Variants in PKD1L3 observed in about 807,000 individuals in gnomAD.
The protein encoded by PKD1L3 is polycystin-1-like protein 3.
PKD1L3 carries 239 observed loss-of-function variants against 184.1 expected under a neutral mutation model. The ratio of observed to expected loss-of-function variants is 1.30; its 90% CI spans 1.17 to 1.45. The LOEUF is 1.45. PKD1L3 is among the 40% of genes most tolerant of loss of function. The pLI is 0.00. For missense variants in PKD1L3, 2,660 were observed against 2,067.2 expected (o/e 1.29, Z -5.56); for synonymous variants, 996 against 778.8 (o/e 1.28, Z -4.64).
rs897154715 is a variant in PKD1L3, at chr16:71,983,948, C to A, written c.966+88G>T. 4 of 1,489,488 alleles carry A rather than the reference C, an allele frequency of 2.7e-6. No homozygotes were observed. In the Admixed American group the frequency reaches 8.3e-5, roughly 31 times the overall value. The allele number at this position is 1,489,488 out of a possible 1,614,324, so 92.3% of individuals were successfully genotyped here. A position where few individuals can be genotyped will look rare whatever the true frequency, so the allele number is the denominator to read the frequency against. ...AAAGTGCTGGGATTACAGGCGTGAGCCACCGCACCCAGCCTCAGATTCTCT... is the reference window on the plus strand; with the variant it reads ...AAAGTGCTGGGATTACAGGCGTGAGACACCGCACCCAGCCTCAGATTCTCT... On this transcript the variant is annotated intron_variant, in intron 6 of 29. Transcript: ENST00000620267.
rs2039172216 is a variant in PKD1L3 at position 71,959,146 on chromosome 16, C to G, written c.2612+4059G>C. ...AGAAAACTAGGCTGGGCACGGTGGCCCTCACCTGTAATCTCAGCACTTTGG... is the reference window on the plus strand; with the variant it reads ...AGAAAACTAGGCTGGGCACGGTGGCGCTCACCTGTAATCTCAGCACTTTGG... On this transcript the variant is annotated intron_variant, in intron 16 of 29. Transcript: ENST00000620267. Among the ~76,000 whole-genome samples the G allele has an allele frequency of 6.7e-5, 10 of 149,918 alleles. No homozygotes were observed. The Admixed American group carries it at 6.7e-4, about 10-fold the overall frequency.
chr16:71,999,795 A>G lies in PKD1L3; in HGVS notation c.184T>C (p.Trp62Arg), dbSNP rs1296622911. The G allele has an allele frequency of 7.7e-6, 12 of 1,551,610 alleles. No individual in the cohort carries two copies. The highest frequency in any genetic ancestry group is 1.0e-5 in the Non-Finnish European group (12 of 1,146,998). ...ATGAGATCTTGAACTTCCTTGTTCC[A>G]AATATGAGCTAGGAATCCTCTCTGC... ...HVQRGFLAHI[W>R]NKEVQDLIRD... is the part of the protein sequence containing the mutation. The change falls in exon 1 of 30, where the codon TGG (tryptophan) becomes CGG (arginine). Residue 62 changes from tryptophan (W) to arginine (R), a missense_variant. By Grantham distance (101) the Trp-to-Arg change is moderately radical (BLOSUM62 -3). Coordinates refer to ENST00000620267, the MANE Select transcript of PKD1L3 (RefSeq NM_181536.2).
At chr16:71,965,428 G>A (rs532096151) in intron 15 of PKD1L3, among the ~76,000 whole-genome samples, 1 of 152,022 alleles carries the variant, frequency 6.6e-6, no homozygotes, top group Admixed American at 6.6e-5. Context: ...CATGGTCAGT[G>A]TATGTTTAAC....
chr16:71,938,800 C>G (rs2038266303), intron 24 of PKD1L3, among the ~76,000 whole-genome samples: 1 of 152,240 alleles, frequency 6.6e-6, no homozygotes, highest in Non-Finnish European at 1.5e-5. Context: ...TTCCTGAAAA[C>G]TGTCTTGTCA....
At chr16:71,984,465 G>A (rs1419435604) in intron 5 of PKD1L3, among the ~76,000 whole-genome samples, 1 of 152,220 alleles carries the variant, frequency 6.6e-6, no homozygotes, top group Non-Finnish European at 1.5e-5. Flanking sequence ...CCATGAAGAT[G>A]AGGGAAACTT....
At chr16:71,990,763 G>T (rs527748915) in intron 3 of PKD1L3, among the ~76,000 whole-genome samples, 1 of 150,918 alleles carries the variant, frequency 6.6e-6, no homozygotes, top group South Asian at 2.1e-4. Context: ...ATAAAGGTAA[G>T]GAAGGAAAAG....
chr16:71,994,854 G>A lies in PKD1L3; in HGVS notation c.419-1522C>T, dbSNP rs375501811. Among the ~76,000 whole-genome samples, 615 of 152,136 alleles carry A rather than the reference G, an allele frequency of 4.0e-3. 2 individuals carry two copies. Among genetic ancestry groups the A allele is most frequent in the Middle Eastern group, 0.01 (3 of 294 alleles). On this transcript the variant is annotated intron_variant, in intron 2 of 29. Coordinates refer to ENST00000620267, the MANE Select transcript of PKD1L3 (RefSeq NM_181536.2). Reference sequence around the variant, plus strand: ...GTCTCTACTAAAAATACAAAAATTAGCCGAGTGCCTATAATCCCAGCTACT... The same window carrying A: ...GTCTCTACTAAAAATACAAAAATTAACCGAGTGCCTATAATCCCAGCTACT...
intron 24 of PKD1L3, among the ~76,000 whole-genome samples, chr16:71,937,636 G>A (rs2038225852): frequency 6.6e-6 from 1 of 152,136 alleles, no homozygotes; most frequent in South Asian, 2.1e-4. Context: ...AAAGTCAGTA[G>A]TGGGAAAGGA....
Position 71,953,103 on chromosome 16 carries a change from A to T in PKD1L3, c.2810-10T>A. 2 of 1,450,342 alleles carry T rather than the reference A, an allele frequency of 1.4e-6. No individual in the cohort carries two copies. Among genetic ancestry groups the T allele is most frequent in the Non-Finnish European group, 1.8e-6 (2 of 1,099,672 alleles). The allele number at this position is 1,450,342 out of a possible 1,614,324, so 89.8% of individuals were successfully genotyped here. A position where few individuals can be genotyped will look rare whatever the true frequency, so the allele number is the denominator to read the frequency against. ...ACAGCAAATGGACGCACTGAAAGAA[A>T]AGCATGACATCAACTTTCATCTTCA... On this transcript the variant is annotated splice_polypyrimidine_tract_variant and intron_variant, in intron 17 of 29. Coordinates refer to ENST00000620267, the MANE Select transcript of PKD1L3 (RefSeq NM_181536.2).
chr16:71,983,901 G>GAT, intron 6 of PKD1L3, 135 bp downstream of exon 6: 1 of 1,240,240 alleles, frequency 8.1e-7, no homozygotes, highest in South Asian at 1.5e-5. Flanking sequence ...GGCCTCATGT[G>GAT]ATCCGCCCGC....
chr16:71,991,315 C>T (rs1244083358), intron 3 of PKD1L3: 2 of 224,364 alleles, frequency 8.9e-6, no homozygotes, highest in Non-Finnish European at 2.0e-5. Context: ...TGGCAAGAAA[C>T]CGAGTCAACC....
rs190575733 is a variant in PKD1L3, at chr16:71,997,219, G to A, written c.418+1053C>T. ...TAAGCATCCATATACATAGTTTTAC[G>A]TGAGCACAGGTTTTCTCATTCTGCG... On this transcript the variant is annotated intron_variant, in intron 2 of 29. Transcript: ENST00000620267. 2.7e-3 allele frequency among the ~76,000 whole-genome samples: 410 copies of A among 152,122 alleles called. 1 individual carries two copies. Among genetic ancestry groups the A allele is most frequent in the Admixed American group, 9.5e-3 (145 of 15,284 alleles).
intron 27 of PKD1L3, 25 bp downstream of exon 27, chr16:71,933,890 G>A: frequency 6.5e-7 from 1 of 1,546,508 alleles, no homozygotes; most frequent in Non-Finnish European, 8.7e-7. Context: ...CACGGAGAAG[G>A]AGAGACAGCA....
At position 71,935,375 on chromosome 16, in the gene PKD1L3, G is replaced by A. The variant is rs2038138078; in HGVS notation, c.4596C>T (p.Tyr1532=). 2.6e-6 allele frequency: 4 copies of A among 1,551,604 alleles called. No homozygotes were observed. Among genetic ancestry groups the A allele is most frequent in the South Asian group, 1.2e-5 (1 of 84,006 alleles). ...CCTCTCACCTGTCCTGGTCATCGCGGTATCGTGCCATGTTTTTCTTATGTA... is the reference window on the plus strand; with the variant it reads ...CCTCTCACCTGTCCTGGTCATCGCGATATCGTGCCATGTTTTTCTTATGTA... ...ISLHKKNMAR[Y]RDDQDRFISF... is the part of the protein sequence containing the mutation. The change falls in exon 26 of 30, where the codon TAC becomes TAT. Residue 1532 remains tyrosine, a synonymous_variant. Transcript: ENST00000620267.
chr16:71,944,347 A>C (rs980639581), intron 22 of PKD1L3, among the ~76,000 whole-genome samples, 177 bp from the exon 23 acceptor site: 1 of 152,176 alleles, frequency 6.6e-6, no homozygotes, highest in Admixed American at 6.5e-5. Flanking sequence ...AAAAAATTCC[A>C]ATCAATTGGG....
intron 22 of PKD1L3, among the ~76,000 whole-genome samples, chr16:71,945,643 A>C (rs910119967): frequency 3.3e-5 from 5 of 151,744 alleles, no homozygotes; most frequent in African/African-American, 9.7e-5. Flanking sequence ...GTGCCACTGC[A>C]CTCCAACCTG....
chr16:71,987,210 A>T (rs1658869530), intron 4 of PKD1L3, among the ~76,000 whole-genome samples: 1 of 151,576 alleles, frequency 6.6e-6, no homozygotes, highest in South Asian at 2.1e-4. Flanking sequence ...GGCGTGAGCC[A>T]CTGCACCCGG....
chr16:71,970,927 C>T (rs2039686968), intron 12 of PKD1L3, among the ~76,000 whole-genome samples: 1 of 152,162 alleles, frequency 6.6e-6, no homozygotes, highest in African/African-American at 2.4e-5. Flanking sequence ...AGTATAATGC[C>T]ATTTGCCCAA....
chr16:71,950,465 T>C (rs531327823), intron 19 of PKD1L3, among the ~76,000 whole-genome samples, 155 bp from the exon 20 acceptor site: 1 of 152,320 alleles, frequency 6.6e-6, no homozygotes, highest in South Asian at 2.1e-4. Context: ...TACTACCATC[T>C]TCTCTAAGGA....
Sources: gnomAD v4.1 joint callset for allele counts (sites outside exome capture counted in the v4.1 genomes callset) on GRCh38, gnomAD v4.1.1 for gene constraint, MANE v1.5 for transcripts, NCBI Gene and HGNC (gene_info 2026-07-23, HGNC 2026-07-21) for gene names.